ATP10B: variants seen among roughly 807,000 people sequenced by gnomAD.
ATP10B encodes the protein phospholipid-transporting ATPase VB.
In ATP10B, 122 loss-of-function variants were observed where a neutral mutation model predicts 141.2. The ratio of observed to expected loss-of-function variants is 0.86; its 90% confidence interval spans 0.75 to 1.00. The LOEUF is 1.00. Among genes scored for constraint, ATP10B ranks in the 50% least tolerant of loss-of-function variants. ATP10B has a pLI of 0.00. For synonymous variants in ATP10B, 685 were observed against 692.0 expected, an observed-to-expected ratio of 0.99 and a Z score of 0.16; for missense variants, 1,876 against 1,825.3, an observed-to-expected ratio of 1.03 and a Z score of -0.51.
intron 24 of ATP10B, among the ~76,000 whole-genome samples, chr5:160,588,615 A>T (rs115825817): frequency 0.016 from 2,495 of 152,292 alleles, 59 homozygotes; most frequent in African/African-American, 0.056. Flanking sequence ...GCCAGGGTTC[A>T]AAACTTGCTT....
chr5:160,861,030 A>G, the ATP10B span, among the ~76,000 whole-genome samples: 1 of 151,874 alleles, frequency 6.6e-6, no homozygotes, highest in African/African-American at 2.4e-5. Flanking sequence ...TTAAAAGATT[A>G]TTTTCATACT....
intron 24 of ATP10B, among the ~76,000 whole-genome samples, chr5:160,587,309 G>T (rs1755974316): frequency 6.6e-6 from 1 of 151,966 alleles, no homozygotes; most frequent in Non-Finnish European, 1.5e-5. Context: ...TTCCATTGGT[G>T]TATATGTCTG....
At chr5:160,789,731 G>A (rs1771431658) in intron 1 of ATP10B, among the ~76,000 whole-genome samples, 1 of 152,114 alleles carries the variant, frequency 6.6e-6, no homozygotes, top group Non-Finnish European at 1.5e-5. Flanking sequence ...AAGTTCCCAG[G>A]GAACACATTG....
chr5:160,836,041 A>G (rs1775405420), intron 1 of ATP10B, among the ~76,000 whole-genome samples: 1 of 152,120 alleles, frequency 6.6e-6, no homozygotes, highest in African/African-American at 2.4e-5. Context: ...GGTGGAAGCT[A>G]AATAAAGTGT....
In ATP10B at chr5:160,565,212, C is replaced by A; in HGVS notation, c.*241G>T. The A allele has an allele frequency of 1.8e-6, 1 of 540,630 alleles. No homozygotes were observed. Among genetic ancestry groups the A allele is most frequent in the East Asian group, 3.1e-5 (1 of 32,408 alleles). The allele number at this position is 540,630 out of a possible 1,614,324, so 33.5% of individuals were successfully genotyped here. A position where few individuals can be genotyped will look rare whatever the true frequency, so the allele number is the denominator to read the frequency against. On this transcript the variant is annotated 3_prime_UTR_variant, in exon 26 of 26. Coordinates refer to ENST00000327245, the MANE Select transcript of ATP10B (RefSeq NM_025153.3). ...GAACTCGATTCAACAAAAACAGCCT[C>A]CTTCTCCAAACTGTTTGCAAGATGT...
At chr5:160,754,763 G>A (rs1445472051) in intron 2 of ATP10B, among the ~76,000 whole-genome samples, 1 of 152,128 alleles carries the variant, frequency 6.6e-6, no homozygotes, top group Non-Finnish European at 1.5e-5. Flanking sequence ...TCAGGGGCTG[G>A]CACTAAAAGA....
In ATP10B at chr5:160,650,118, T is replaced by TTATATATA. The variant is rs147437606; in HGVS notation, c.676-870_676-863dup. Among the ~76,000 whole-genome samples, 80 of 146,040 alleles carry TTATATATA rather than the reference T, an allele frequency of 5.5e-4. 1 individual carries two copies. Among genetic ancestry groups the TTATATATA allele is most frequent in the African/African-American group, 2.1e-3 (79 of 38,316 alleles). ...AGACTCTGTCTCAAAAAAAAAAATTTTATATATATATATATACACACACAC... is the reference window on the plus strand; with the variant it reads ...AGACTCTGTCTCAAAAAAAAAAATTTTATATATATATATATATATATATACACACACAC... On this transcript the variant is annotated intron_variant, in intron 7 of 25. Transcript: ENST00000327245.
chr5:160,861,677 T>G, the ATP10B span, among the ~76,000 whole-genome samples: 2 of 151,860 alleles, frequency 1.3e-5, no homozygotes, highest in Non-Finnish European at 2.9e-5. Flanking sequence ...TTGAGTTTTT[T>G]CTATTGATAA....
chr5:160,597,327 A>G (rs1756778242), intron 22 of ATP10B, among the ~76,000 whole-genome samples: 1 of 152,248 alleles, frequency 6.6e-6, no homozygotes, highest in South Asian at 2.1e-4. Context: ...GGTGCTGGGA[A>G]AACTGGCTAG....
chr5:160,818,090 C>A (rs1773808515), intron 1 of ATP10B, among the ~76,000 whole-genome samples: 1 of 152,102 alleles, frequency 6.6e-6, no homozygotes, highest in Admixed American at 6.6e-5. Flanking sequence ...CAGGCATGGG[C>A]AAGGACTTCA....
chr5:160,632,616 AGAG>A, intron 12 of ATP10B: 1 of 238,140 alleles, frequency 4.2e-6, no homozygotes, highest in Non-Finnish European at 7.2e-6. Flanking sequence ...TTATTTCCTC[AGAG>A]GTTTTTTTTT....
chr5:160,885,846 T>A, the ATP10B span, among the ~76,000 whole-genome samples: 1 of 152,198 alleles, frequency 6.6e-6, no homozygotes, highest in African/African-American at 2.4e-5. Flanking sequence ...TTTTCTAGCT[T>A]TTTGCATTTC....
intron 1 of ATP10B, among the ~76,000 whole-genome samples, chr5:160,818,617 A>AT (rs1773866542): frequency 6.6e-6 from 1 of 152,230 alleles, no homozygotes; most frequent in Non-Finnish European, 1.5e-5. Flanking sequence ...TAGAACTAGA[A>AT]ATACCATTTG....
chr5:160,763,516 A>C (rs1295238835), intron 2 of ATP10B, among the ~76,000 whole-genome samples: 1 of 152,192 alleles, frequency 6.6e-6, no homozygotes, highest in African/African-American at 2.4e-5. Context: ...GAACTGAACA[A>C]TAATAGTGAC....
intron 13 of ATP10B, among the ~76,000 whole-genome samples, chr5:160,628,851 T>A (rs1758756579): frequency 1.3e-5 from 2 of 152,146 alleles, no homozygotes; most frequent in Admixed American, 6.5e-5. Flanking sequence ...TCACCATTTT[T>A]ATAAGTATAT....
intron 13 of ATP10B, among the ~76,000 whole-genome samples, chr5:160,628,223 G>T (rs184609842): frequency 2.7e-4 from 41 of 152,376 alleles, no homozygotes; most frequent in African/African-American, 9.9e-4. Context: ...CAGTGGTGAA[G>T]CAAGAAGGGA....
intron 23 of ATP10B, 122 bp from the exon 24 acceptor site, chr5:160,589,818 C>T (rs1688594758): frequency 1.4e-6 from 1 of 716,474 alleles, no homozygotes; most frequent in African/African-American, 1.7e-5. Flanking sequence ...ACCCAGCTGC[C>T]ATCTGTGTGG....
At position 160,692,186 on chromosome 5, in the gene ATP10B, T is replaced by C. The variant is rs534287267; in HGVS notation, c.-204-3243A>G. 2.0e-5 allele frequency among the ~76,000 whole-genome samples: 3 copies of C among 151,902 alleles called. No homozygotes were observed. In the South Asian group the frequency reaches 6.2e-4, roughly 31 times the overall value. On this transcript the variant is annotated intron_variant, in intron 3 of 25. Coordinates refer to ENST00000327245, the MANE Select transcript of ATP10B (RefSeq NM_025153.3). ...ATAGTCTTTACTTTTTTTAACCATG[T>C]AAGATGAGCTTCCTTAAAAGTAAAG...
intron 14 of ATP10B, 140 bp downstream of exon 14, chr5:160,622,254 G>A: frequency 2.5e-6 from 2 of 796,696 alleles, no homozygotes; most frequent in Admixed American, 3.1e-5. Context: ...CCTATTCTAG[G>A]TTTCACTGTG....
Sources: gnomAD v4.1 joint callset for allele counts (sites outside exome capture counted in the v4.1 genomes callset) on GRCh38, gnomAD v4.1.1 for gene constraint, MANE v1.5 for transcripts, NCBI Gene and HGNC (gene_info 2026-07-23, HGNC 2026-07-21) for gene names.